STT3B: variants seen among roughly 807,000 people sequenced by gnomAD.
STT3B encodes STT3 oligosaccharyltransferase complex catalytic subunit B, also known as dolichyl-diphosphooligosaccharide--protein glycosyltransferase subunit STT3B.
STT3B carries 29 observed loss-of-function variants against 96.8 expected under a neutral mutation model. That is an observed-to-expected ratio of 0.30 (90% CI 0.22 to 0.41). STT3B has a LOEUF of 0.41. Ranked by LOEUF, STT3B falls within the 10% of genes least tolerant of loss-of-function variation. The probability of loss-of-function intolerance (pLI) is 1.00; values close to 1 mark genes in which losing one functional copy is unlikely to be tolerated. For missense variants in STT3B, 640 were observed against 1,022.3 expected (o/e 0.63, Z 5.10); for synonymous variants, 367 against 360.0 (o/e 1.02, Z -0.22).
chr3:31,559,223 A>T (rs929229728), intron 1 of STT3B, among the ~76,000 whole-genome samples: 1 of 132,316 alleles, frequency 7.6e-6, no homozygotes, highest in African/African-American at 2.9e-5. Flanking sequence ...TCTGATTTTC[A>T]TGATTTCTTT....
intron 1 of STT3B, among the ~76,000 whole-genome samples, chr3:31,564,897 T>A (rs1470464344): frequency 6.6e-6 from 1 of 152,228 alleles, no homozygotes; most frequent in Non-Finnish European, 1.5e-5. Flanking sequence ...AACCAATTGT[T>A]AAACTTTAAA....
intron 1 of STT3B, among the ~76,000 whole-genome samples, chr3:31,537,513 C>T (rs1180676000): frequency 6.6e-6 from 1 of 152,152 alleles, no homozygotes; most frequent in Non-Finnish European, 1.5e-5. Flanking sequence ...ACTCCCATTT[C>T]GGTTGAGTGT....
At chr3:31,539,616 T>C (rs894997077) in intron 1 of STT3B, among the ~76,000 whole-genome samples, 7 of 152,260 alleles carry the variant, frequency 4.6e-5, no homozygotes, top group African/African-American at 1.7e-4. Context: ...AGAATACCTC[T>C]TCACAATCCG....
intron 3 of STT3B, among the ~76,000 whole-genome samples, chr3:31,583,190 C>A (rs575854088): frequency 2.0e-5 from 3 of 152,148 alleles, no homozygotes; most frequent in African/African-American, 7.2e-5. Context: ...GTGTTTTCTT[C>A]CTATATTTTG....
chr3:31,623,711 A>T lies in STT3B; in HGVS notation c.1577A>T (p.Lys526Ile). The T allele has an allele frequency of 6.2e-7, 1 of 1,613,594 alleles. No homozygotes were observed. The highest frequency in any genetic ancestry group is 8.5e-7 in the Non-Finnish European group (1 of 1,179,700). ...KVRKHATEQE[K>I]TEEGLGPNIK... Reference sequence around the variant, plus strand: ...AGGAAACATGCAACTGAACAGGAAAAAACTGAAGAGGGATTAGGCCCTAAT... The same window carrying T: ...AGGAAACATGCAACTGAACAGGAAATAACTGAAGAGGGATTAGGCCCTAAT... Residue 526 changes from lysine to isoleucine, a missense_variant, in exon 11 of 16, where the codon AAA (lysine) becomes ATA (isoleucine). Lys to Ile is a moderately radical substitution (Grantham distance 102). Coordinates refer to ENST00000295770, the MANE Select transcript of STT3B (RefSeq NM_178862.3).
At chr3:31,545,879 ATTC>A (rs1241654701) in intron 1 of STT3B, among the ~76,000 whole-genome samples, 5 of 150,452 alleles carry the variant, frequency 3.3e-5, no homozygotes, top group South Asian at 2.1e-4. Flanking sequence ...GCCTAAGGCA[ATTC>A]TTCTTCCACT....
At chr3:31,566,168 A>G (rs1232875420) in intron 1 of STT3B, among the ~76,000 whole-genome samples, 1 of 152,190 alleles carries the variant, frequency 6.6e-6, no homozygotes, top group Non-Finnish European at 1.5e-5. Context: ...AATCCCTGAG[A>G]TACTGGGAAC....
chr3:31,541,526 A>T (rs1032261383), intron 1 of STT3B, among the ~76,000 whole-genome samples: 3 of 149,806 alleles, frequency 2.0e-5, no homozygotes, highest in African/African-American at 7.4e-5. Flanking sequence ...TTGTTGGTCA[A>T]AGGATTGTTG....
chr3:31,612,662 A>G (rs1472829494), intron 5 of STT3B, among the ~76,000 whole-genome samples: 3 of 152,200 alleles, frequency 2.0e-5, no homozygotes, highest in African/African-American at 4.8e-5. Flanking sequence ...TACTAATGAT[A>G]GTAAATATCT....
chr3:31,546,396 C>T (rs1217033328), intron 1 of STT3B, among the ~76,000 whole-genome samples: 1 of 152,146 alleles, frequency 6.6e-6, no homozygotes, highest in Non-Finnish European at 1.5e-5. Context: ...ATTGGGACCT[C>T]AGCTGGGGCT....
intron 9 of STT3B, among the ~76,000 whole-genome samples, chr3:31,621,055 A>G (rs1391472673): frequency 6.6e-6 from 1 of 152,248 alleles, no homozygotes; most frequent in Non-Finnish European, 1.5e-5. Flanking sequence ...TTAAGAATGC[A>G]TTAGTAATTT....
At chr3:31,559,930 A>G (rs1018692428) in intron 1 of STT3B, among the ~76,000 whole-genome samples, 4 of 152,114 alleles carry the variant, frequency 2.6e-5, no homozygotes, top group African/African-American at 7.2e-5. Flanking sequence ...ACTTATCATT[A>G]TATAATTACC....
intron 5 of STT3B, among the ~76,000 whole-genome samples, chr3:31,606,300 A>C (rs1285814737): frequency 1.3e-5 from 2 of 152,200 alleles, no homozygotes; most frequent in Non-Finnish European, 2.9e-5. Flanking sequence ...TGTTAATGCC[A>C]AGACAGTGGG....
At chr3:31,587,345 T>C (rs1575427612) in intron 3 of STT3B, among the ~76,000 whole-genome samples, 1 of 152,224 alleles carries the variant, frequency 6.6e-6, no homozygotes, top group Middle Eastern at 3.4e-3. Flanking sequence ...TTTCTGCCTC[T>C]CTGATTTGCC....
intron 3 of STT3B, among the ~76,000 whole-genome samples, chr3:31,586,268 C>T (rs777097673): frequency 1.2e-4 from 18 of 151,988 alleles, no homozygotes; most frequent in African/African-American, 4.3e-4. Flanking sequence ...ATATCTTGCC[C>T]ATGTTTTGAT....
chr3:31,634,279 G>A (rs1699718269), intron 15 of STT3B, among the ~76,000 whole-genome samples: 1 of 152,162 alleles, frequency 6.6e-6, no homozygotes, highest in Non-Finnish European at 1.5e-5. Flanking sequence ...TCTCAAAGCA[G>A]TTACTCCTAA....
intron 1 of STT3B, among the ~76,000 whole-genome samples, chr3:31,549,197 CTT>C (rs771109534): frequency 2.6e-5 from 4 of 151,910 alleles, no homozygotes; most frequent in African/African-American, 7.3e-5. Flanking sequence ...TGTTTTAAAT[CTT>C]TTTATTTGTT....
At chr3:31,576,625 G>A in intron 2 of STT3B, 121 bp downstream of exon 2, 1 of 526,696 alleles carries the variant, frequency 1.9e-6, no homozygotes, top group Non-Finnish European at 3.2e-6. Context: ...TTTTTCTGTG[G>A]CTTATTATCC....
chr3:31,556,216 C>CAGCA (rs1332275557), intron 1 of STT3B, among the ~76,000 whole-genome samples: 8 of 152,032 alleles, frequency 5.3e-5, no homozygotes, highest in African/African-American at 1.9e-4. Context: ...ATCCATGTTG[C>CAGCA]TGCAGATGAC....
Sources: gnomAD v4.1 joint callset for allele counts (sites outside exome capture counted in the v4.1 genomes callset) on GRCh38, gnomAD v4.1.1 for gene constraint, MANE v1.5 for transcripts, NCBI Gene and HGNC (gene_info 2026-07-23, HGNC 2026-07-21) for gene names.